Variants in RYR3 observed in about 807,000 individuals in gnomAD.
The protein encoded by RYR3 is brain ryanodine receptor-calcium release channel.
RYR3 carries 207 observed loss-of-function variants against 584.3 expected under a neutral mutation model. The observed-to-expected ratio is 0.35, with a 90% CI of 0.32 to 0.40. RYR3 has a LOEUF of 0.40. RYR3 is among the 10% of genes least tolerant of loss of function. The probability of loss-of-function intolerance (pLI) is 1.00; values close to 1 mark genes in which losing one functional copy is unlikely to be tolerated. For missense variants in RYR3, 5,616 were observed against 6,089.2 expected (o/e 0.92, Z 2.59); for synonymous variants, 2,416 against 2,248.5 (o/e 1.07, Z -2.11).
Position 33,635,672 on chromosome 15 carries a change from A to T in RYR3, c.3234A>T (p.Arg1078=), listed in dbSNP as rs1298724955. The T allele has an allele frequency of 2.5e-6, 4 of 1,614,020 alleles. No individual in the cohort carries two copies. Among genetic ancestry groups the T allele is most frequent in the Non-Finnish European group, 3.4e-6 (4 of 1,179,904 alleles). The part of the protein sequence containing the change: ...IDKIRFFRVE[R]SYAVRSGKWY... The stretch of plus-strand genomic sequence containing the variant: ...AGATCCGATTTTTCCGGGTAGAGCG[A>T]TCTTATGCAGTGAGATCTGGAAAGT... Residue 1078 remains arginine (R), a synonymous_variant, in exon 26 of 104, where the codon CGA becomes CGT. Transcript: ENST00000634891.
chr15:33,389,124 A>G (rs926483789), intron 1 of RYR3, among the ~76,000 whole-genome samples: 20 of 151,430 alleles, frequency 1.3e-4, no homozygotes, highest in African/African-American at 3.6e-4. Context: ...TATACCTAAT[A>G]TTAAATGACG....
In RYR3 at chr15:33,859,810, G is replaced by A. The variant is rs771805578; in HGVS notation, c.14299+79G>A. 4.9e-6 allele frequency: 7 copies of A among 1,418,324 alleles called. No individual in the cohort carries two copies. The South Asian group carries it at 6.6e-5, about 13-fold the overall frequency. 87.9% of individuals were successfully genotyped at this position (1,418,324 alleles called of 1,614,324 possible). ...CTTTCTTCCATCTATGACTTAATTG[G>A]TTTATGAAGAAGCGTGTGAATTCAT... is the stretch of plus-strand genomic sequence containing the variant. On this transcript the variant is annotated intron_variant, in intron 100 of 103. Coordinates refer to ENST00000634891, the MANE Select transcript of RYR3 (RefSeq NM_001036.6).
At chr15:33,375,313 C>A (rs936522264) in intron 1 of RYR3, among the ~76,000 whole-genome samples, 4 of 152,184 alleles carry the variant, frequency 2.6e-5, no homozygotes, top group Non-Finnish European at 2.9e-5. Flanking sequence ...ATTGTTAAGT[C>A]CCCAGTGGTC....
chr15:33,767,745 G>A (rs986122175), intron 60 of RYR3, among the ~76,000 whole-genome samples: 1 of 152,086 alleles, frequency 6.6e-6, no homozygotes, highest in Non-Finnish European at 1.5e-5. Flanking sequence ...CTATTCCACT[G>A]CTTTCTGAAG....
intron 85 of RYR3, among the ~76,000 whole-genome samples, chr15:33,830,159 TA>T (rs1279729264): frequency 1.3e-5 from 2 of 152,170 alleles, no homozygotes; most frequent in Non-Finnish European, 2.9e-5. Flanking sequence ...GTTCTGTGGG[TA>T]AAATGCTATC....
chr15:33,531,703 G>T (rs2054889769), intron 4 of RYR3, among the ~76,000 whole-genome samples: 1 of 151,694 alleles, frequency 6.6e-6, no homozygotes. Context: ...ACATTCGTCT[G>T]CTGTAGTCCT....
chr15:33,409,813 C>T (rs1363939487), intron 1 of RYR3, among the ~76,000 whole-genome samples: 1 of 152,116 alleles, frequency 6.6e-6, no homozygotes, highest in East Asian at 1.9e-4. Context: ...GGATCAAGAA[C>T]TTGTCTTGTA....
At chr15:33,599,769 A>G (rs1048536818) in intron 16 of RYR3, among the ~76,000 whole-genome samples, 5 of 152,202 alleles carry the variant, frequency 3.3e-5, no homozygotes, top group Admixed American at 2.0e-4. Context: ...TCCATTCCCC[A>G]GTTTTACCTG....
In RYR3 at chr15:33,823,083, GA is replaced by G; in HGVS notation, c.11072+15del. ...TATGCAGTCTTGCAGGTAAATGCGG[GA>G]AAACTACCATAGCATTTAAAAAACT... On this transcript the variant is annotated intron_variant, in intron 81 of 103. Transcript: ENST00000634891. 2.5e-6 allele frequency: 4 copies of G among 1,608,650 alleles called. No homozygotes were observed. Among genetic ancestry groups the G allele is most frequent in the Non-Finnish European group, 3.4e-6 (4 of 1,176,640 alleles).
rs572225482 is a variant in RYR3, at chr15:33,841,921, G to A, written c.13095G>A (p.Leu4365=). The A allele has an allele frequency of 2.3e-5, 36 of 1,597,814 alleles. No homozygotes were observed. In the South Asian group the frequency reaches 4.0e-4, roughly 18 times the overall value. Residue 4365 remains leucine (L), a synonymous_variant, in exon 91 of 104, where the codon CTG becomes CTA. Coordinates refer to ENST00000634891, the MANE Select transcript of RYR3 (RefSeq NM_001036.6). ...AAGAAGAGGAGCAAGCTGAGTACCTGTGGACAGAAGTGACAAAAAAGAAGA... is the reference window on the plus strand; with the variant it reads ...AAGAAGAGGAGCAAGCTGAGTACCTATGGACAGAAGTGACAAAAAAGAAGA... ...KDKEEEQAEY[L]WTEVTKKKKR... is the part of the protein sequence containing the mutation.
chr15:33,696,133 T>C (rs16957550), intron 38 of RYR3, 85 bp from the exon 39 acceptor site: 56,919 of 1,318,280 alleles, frequency 0.043, 3,598 homozygotes, highest in African/African-American at 0.27. Context: ...ATGATGTGTC[T>C]TCTATTTGCA....
rs2063215007 is a variant in RYR3 at position 33,662,326 on chromosome 15, C to G, written c.4796C>G (p.Pro1599Arg). ...LFYAIDNKYL[P>R]GLLRSGFYDL... ...TATGCCATTGACAACAAGTACCTCC[C>G]CGGCCTCCTTCGATCTGGTTTCTAT... The change falls in exon 35 of 104, where the codon CCC (proline) becomes CGC (arginine). Residue 1599 changes from proline (P) to arginine (R), a missense_variant. By Grantham distance (103) the Pro-to-Arg change is moderately radical. This residue lies in a region of RYR3 where 753 missense variants were observed against 741.0 expected (regional missense o/e 1.02). Coordinates refer to ENST00000634891, the MANE Select transcript of RYR3 (RefSeq NM_001036.6). 2 of 1,612,008 alleles carry G rather than the reference C, an allele frequency of 1.2e-6. No homozygotes were observed. Among genetic ancestry groups the G allele is most frequent in the African/African-American group, 2.7e-5 (2 of 74,892 alleles).
At chr15:33,388,962 AATC>A (rs1262981504) in intron 1 of RYR3, among the ~76,000 whole-genome samples, 3 of 151,784 alleles carry the variant, frequency 2.0e-5, no homozygotes, top group African/African-American at 7.3e-5. Context: ...TGAAGCTGGA[AATC>A]ATCATTCTCA....
At chr15:33,606,778 G>A (rs544512972) in intron 18 of RYR3, among the ~76,000 whole-genome samples, 2 of 152,262 alleles carry the variant, frequency 1.3e-5, no homozygotes, top group African/African-American at 4.8e-5. Flanking sequence ...GTATGTTACT[G>A]GCTGGGGGAA....
chr15:33,545,778 A>C (rs1457666315), intron 8 of RYR3, among the ~76,000 whole-genome samples: 3 of 152,168 alleles, frequency 2.0e-5, no homozygotes, highest in Admixed American at 6.5e-5. Context: ...CAGCACACTA[A>C]AAGACTCCAG....
chr15:33,473,674 C>G (rs1440759919), intron 2 of RYR3, 136 bp downstream of exon 2: 14 of 881,200 alleles, frequency 1.6e-5, no homozygotes, highest in Non-Finnish European at 2.4e-5. Context: ...GGAAGCAGAT[C>G]TGGTTTAAAC....
At chr15:33,581,229 A>T (rs1448477017) in intron 13 of RYR3, among the ~76,000 whole-genome samples, 1 of 152,082 alleles carries the variant, frequency 6.6e-6, no homozygotes, top group African/African-American at 2.4e-5. Context: ...CCCTCTTCCT[A>T]AGTATGTCCT....
intron 1 of RYR3, among the ~76,000 whole-genome samples, chr15:33,461,129 A>G (rs2048005977): frequency 6.6e-6 from 1 of 151,776 alleles, no homozygotes; most frequent in Non-Finnish European, 1.5e-5. Flanking sequence ...TATTTTTAGT[A>G]GAGACGGGGT....
At chr15:33,783,421 A>C (rs932634853) in intron 65 of RYR3, among the ~76,000 whole-genome samples, 7 of 152,192 alleles carry the variant, frequency 4.6e-5, no homozygotes, top group African/African-American at 1.7e-4. Context: ...CTGTGGGTTT[A>C]TGCTGTGGCA....
Sources: allele counts gnomAD v4.1 joint callset (sites outside exome capture counted in the v4.1 genomes callset), GRCh38; gene constraint gnomAD v4.1.1; regional missense constraint gnomAD v4.1.1; transcripts MANE v1.5; gene names NCBI Gene and HGNC (gene_info 2026-07-23, HGNC 2026-07-21).